The following AP4E1 variants were observed in gnomAD, a reference collection of about 807,000 sequenced individuals.
AP4E1 encodes the protein AP-4 complex subunit epsilon-1.
In AP4E1, 56 loss-of-function variants were observed where a neutral mutation model predicts 128.2. That is an observed-to-expected ratio of 0.44 (90% CI 0.35 to 0.55). The LOEUF (loss-of-function observed/expected upper bound fraction) is 0.55. Ranked by LOEUF, AP4E1 falls within the 20% of genes least tolerant of loss-of-function variation. AP4E1 has a pLI of 0.00. For synonymous variants in AP4E1, 484 were observed against 473.1 expected (o/e 1.02, Z -0.30); for missense variants, 1,324 against 1,307.7 (o/e 1.01, Z -0.19).
chr15:50,961,321 C>G (rs1235168380), intron 14 of AP4E1, among the ~76,000 whole-genome samples: 1 of 152,014 alleles, frequency 6.6e-6, no homozygotes, highest in African/African-American at 2.4e-5. Context: ...AAACTACAAG[C>G]CAGTATCCCA....
chr15:50,917,005 G>T (rs1476141211), intron 3 of AP4E1, among the ~76,000 whole-genome samples: 1 of 152,006 alleles, frequency 6.6e-6, no homozygotes, highest in Non-Finnish European at 1.5e-5. Context: ...AGCTCTTCCA[G>T]TCATATTCAC....
chr15:50,953,301 TC>T (rs1389587759), intron 13 of AP4E1, among the ~76,000 whole-genome samples: 1 of 152,228 alleles, frequency 6.6e-6, no homozygotes, highest in African/African-American at 2.4e-5. Context: ...GTCTTTTATT[TC>T]TTTCTACAGC....
chr15:50,964,824 C>G (rs982048177), intron 14 of AP4E1, among the ~76,000 whole-genome samples: 2 of 151,968 alleles, frequency 1.3e-5, no homozygotes, highest in Admixed American at 1.3e-4. Context: ...TAATCCCCAG[C>G]GTTGGAGGTA....
At chr15:50,944,950 C>T (rs2064037874) in intron 10 of AP4E1, 2 of 770,804 alleles carry the variant, frequency 2.6e-6, no homozygotes, top group South Asian at 1.4e-5. Context: ...TGGAACCTGA[C>T]TCAACAGAAA....
intron 16 of AP4E1, among the ~76,000 whole-genome samples, chr15:50,984,674 A>G (rs1295445859): frequency 6.6e-6 from 1 of 152,080 alleles, no homozygotes; most frequent in Non-Finnish European, 1.5e-5. Flanking sequence ...TCCATGGTGT[A>G]TATGTGCCAC....
intron 8 of AP4E1, among the ~76,000 whole-genome samples, chr15:50,935,606 C>T (rs541538344): frequency 2.8e-4 from 43 of 152,176 alleles, no homozygotes; most frequent in African/African-American, 1.0e-3. Context: ...GTAGAAGAGG[C>T]ACTGAGAGAT....
chr15:50,947,904 A>C, intron 10 of AP4E1, 116 bp from the exon 11 acceptor site: 1 of 838,722 alleles, frequency 1.2e-6, no homozygotes, highest in Non-Finnish European at 1.8e-6. Flanking sequence ...CTGACTACCC[A>C]GTAGATCTCC....
chr15:50,918,525 A>G (rs1311885474), intron 3 of AP4E1, among the ~76,000 whole-genome samples: 1 of 152,204 alleles, frequency 6.6e-6, no homozygotes, highest in Non-Finnish European at 1.5e-5. Flanking sequence ...TTAGACTTAC[A>G]TATAATTTAA....
intron 13 of AP4E1, among the ~76,000 whole-genome samples, chr15:50,957,535 C>G (rs544606329): frequency 1.1e-3 from 164 of 152,246 alleles, no homozygotes; most frequent in Middle Eastern, 6.8e-3. Context: ...CTCAGGCTTT[C>G]TGGCTTGCGG....
intron 19 of AP4E1, among the ~76,000 whole-genome samples, 181 bp downstream of exon 19, chr15:50,999,443 C>T (rs2064928057): frequency 6.6e-6 from 1 of 152,042 alleles, no homozygotes; most frequent in Non-Finnish European, 1.5e-5. Flanking sequence ...TACATAAATA[C>T]ATATGTAATT....
chr15:50,964,803 A>G (rs766977356), intron 14 of AP4E1, among the ~76,000 whole-genome samples: 5 of 152,034 alleles, frequency 3.3e-5, no homozygotes, highest in Non-Finnish European at 5.9e-5. Flanking sequence ...CCCAAATCTC[A>G]AGTTGAATTG....
In AP4E1 at chr15:50,978,525, A is replaced by G. The variant is rs1215635189; in HGVS notation, c.1967-5497A>G. On this transcript the variant is annotated intron_variant, in intron 15 of 20. Coordinates refer to ENST00000261842, the MANE Select transcript of AP4E1 (RefSeq NM_007347.5). ...GAGTGTGCATATAATTGAGGCCTCT[A>G]AAGTATTAATAATAAGGGATACAAA... Among the ~76,000 whole-genome samples, 7 of 152,196 alleles carry G rather than the reference A, an allele frequency of 4.6e-5. No individual in the cohort carries two copies. In the East Asian group the frequency reaches 1.3e-3, roughly 29 times the overall value.
At chr15:50,916,584 A>T (rs1233379879) in intron 3 of AP4E1, among the ~76,000 whole-genome samples, 1 of 152,220 alleles carries the variant, frequency 6.6e-6, no homozygotes, top group African/African-American at 2.4e-5. Context: ...TTCATAAGTT[A>T]TATTGCTCTG....
At chr15:50,982,217 G>C (rs911505564) in intron 15 of AP4E1, among the ~76,000 whole-genome samples, 16 of 151,718 alleles carry the variant, frequency 1.1e-4, no homozygotes, top group Non-Finnish European at 2.2e-4. Flanking sequence ...CCATGCTCTT[G>C]GACTTCTCAG....
chr15:50,950,385 C>G (rs1009687376), intron 13 of AP4E1, among the ~76,000 whole-genome samples: 1 of 152,062 alleles, frequency 6.6e-6, no homozygotes, highest in African/African-American at 2.4e-5. Context: ...TTACTTGTCT[C>G]TTTGTGTTTA....
Position 50,949,844 on chromosome 15 carries a change from A to G in AP4E1, c.1335A>G (p.Ala445=). 1 of 1,613,172 alleles carries G rather than the reference A, an allele frequency of 6.2e-7. No individual in the cohort carries two copies. The highest frequency in any genetic ancestry group is 8.5e-7 in the Non-Finnish European group (1 of 1,179,272). Residue 445 remains alanine, a synonymous_variant, in exon 12 of 21, where the codon GCA becomes GCG. Transcript: ENST00000261842. ...TGGACACATATGCTCCTGATAATGC[A>G]TGGTTTATTCAGACAATGAATGCTG... ...ELAEKYAPDN[A]WFIQTMNAVF...
At chr15:50,919,613 A>G (rs2063671321) in intron 3 of AP4E1, among the ~76,000 whole-genome samples, 1 of 152,046 alleles carries the variant, frequency 6.6e-6, no homozygotes, top group Admixed American at 6.6e-5. Context: ...AACCTTTTAT[A>G]TGTATCATTT....
At chr15:50,969,701 C>G (rs1386548769) in intron 15 of AP4E1, among the ~76,000 whole-genome samples, 1 of 150,866 alleles carries the variant, frequency 6.6e-6, no homozygotes, top group Non-Finnish European at 1.5e-5. Context: ...CTCTGTCACC[C>G]AGGCTTGAGT....
intron 17 of AP4E1, among the ~76,000 whole-genome samples, chr15:50,995,878 C>T (rs2064861952): frequency 8.5e-6 from 1 of 116,974 alleles, no homozygotes; most frequent in Non-Finnish European, 1.8e-5. Context: ...CAAAATGAAA[C>T]ATAGACCAAA....
Sources: allele counts gnomAD v4.1 joint callset (sites outside exome capture counted in the v4.1 genomes callset), GRCh38; gene constraint gnomAD v4.1.1; transcripts MANE v1.5; gene names NCBI Gene and HGNC (gene_info 2026-07-23, HGNC 2026-07-21).